Variants in GNG2 observed in about 807,000 individuals in gnomAD.
The protein encoded by GNG2 is G protein subunit gamma 2.
A neutral mutation model predicts 5.5 loss-of-function variants in GNG2; 5 were observed. The ratio of observed to expected loss-of-function variants is 0.91; its 90% confidence interval spans 0.48 to 1.92. GNG2 has a LOEUF of 1.92. Ranked by LOEUF, GNG2 falls within the 30% of genes most tolerant of loss-of-function variation. The probability of loss-of-function intolerance (pLI) is 0.01; values close to 1 mark genes in which losing one functional copy is unlikely to be tolerated. For missense variants in GNG2, 55 were observed against 88.4 expected (o/e 0.62, Z 1.52); for synonymous variants, 28 against 32.0 (o/e 0.88, Z 0.42).
Position 51,966,964 on chromosome 14 carries a change from C to A in GNG2, c.*277C>A, listed in dbSNP as rs371490623. The A allele has an allele frequency of 9.7e-5, 16 of 164,750 alleles. 1 individual carries two copies. In the East Asian group the frequency reaches 2.0e-3, roughly 20 times the overall value. The allele number at this position is 164,750 out of a possible 1,614,324, so 10.2% of individuals were successfully genotyped here. A position where few individuals can be genotyped will look rare whatever the true frequency, so the allele number is the denominator to read the frequency against. On this transcript the variant is annotated 3_prime_UTR_variant, in exon 4 of 4. Transcript: ENST00000556766. ...CACTTCTTTTCTGCTATCCCCCAGC[C>A]CCCCCCCCAAAATCCTCATGTTTCT...
chr14:51,889,784 C>G (rs1884724994), intron 2 of GNG2, among the ~76,000 whole-genome samples: 1 of 152,154 alleles, frequency 6.6e-6, no homozygotes, highest in Admixed American at 6.5e-5. Context: ...CAAGGTAGTT[C>G]AGTGCCGTAC....
intron 2 of GNG2, among the ~76,000 whole-genome samples, chr14:51,844,732 A>G (rs531175226): frequency 1.3e-5 from 2 of 151,884 alleles, no homozygotes; most frequent in South Asian, 2.1e-4. Flanking sequence ...TCCTGCCACA[A>G]TTTCTTTTTT....
chr14:51,854,861 C>T (rs1430471595), intron 2 of GNG2, among the ~76,000 whole-genome samples: 1 of 152,092 alleles, frequency 6.6e-6, no homozygotes, highest in African/African-American at 2.4e-5. Context: ...TGCCTCCCTC[C>T]CGTCTTTTGC....
At chr14:51,827,447 C>A (rs1157873786) in intron 1 of GNG2, among the ~76,000 whole-genome samples, 2 of 152,144 alleles carry the variant, frequency 1.3e-5, no homozygotes, top group African/African-American at 4.8e-5. Flanking sequence ...GATCCTGATA[C>A]CTGCTAAAGT....
At chr14:51,840,730 A>C (rs1286924612) in intron 2 of GNG2, among the ~76,000 whole-genome samples, 1 of 152,234 alleles carries the variant, frequency 6.6e-6, no homozygotes, top group African/African-American at 2.4e-5. Flanking sequence ...CAACCAGGAC[A>C]GTAGCCAGAC....
At chr14:51,867,610 GC>G in intron 1 of GNG2, among the ~76,000 whole-genome samples, 1 of 152,242 alleles carries the variant, frequency 6.6e-6, no homozygotes, top group African/African-American at 2.4e-5. Flanking sequence ...CTTAGTTGAG[GC>G]CCTCCTAACC....
chr14:51,889,109 C>CCTT lies in GNG2; in HGVS notation c.-30+11452_-30+11453insCTT, dbSNP rs1445313036. 2.3e-4 allele frequency among the ~76,000 whole-genome samples: 27 copies of CCTT among 118,936 alleles called. 7 individuals are homozygous for CCTT. The highest frequency in any genetic ancestry group is 4.4e-4 in the Admixed American group (5 of 11,236). 78.0% of individuals were successfully genotyped at this position (118,936 alleles called of 152,430 possible). On this transcript the variant is annotated intron_variant, in intron 2 of 3. Coordinates refer to ENST00000556766, the MANE Select transcript of GNG2 (RefSeq NM_053064.5). Reference sequence around the variant, plus strand: ...GACTGCTAATGGGTATGGGTTTGCGCTTTTTTTTTTTTTTTTTTTTTGAGA... The same window carrying CCTT: ...GACTGCTAATGGGTATGGGTTTGCGCCTTTTTTTTTTTTTTTTTTTTTTTGAGA...
At chr14:51,868,244 G>A (rs899445681) in intron 1 of GNG2, among the ~76,000 whole-genome samples, 1 of 152,076 alleles carries the variant, frequency 6.6e-6, no homozygotes, top group Non-Finnish European at 1.5e-5. Flanking sequence ...ACTTACATTC[G>A]AGTATTGAGA....
chr14:51,904,593 A>T (rs949980538), intron 2 of GNG2, among the ~76,000 whole-genome samples: 2 of 152,132 alleles, frequency 1.3e-5, no homozygotes, highest in Non-Finnish European at 2.9e-5. Flanking sequence ...GACTGATGTA[A>T]CTGCTCTGTA....
At chr14:51,882,885 C>G (rs929495301) in intron 2 of GNG2, among the ~76,000 whole-genome samples, 11 of 151,864 alleles carry the variant, frequency 7.2e-5, no homozygotes, top group Non-Finnish European at 1.2e-4. Flanking sequence ...TGGCACATGC[C>G]TGTAGTCCCA....
At chr14:51,853,259 C>A (rs891431434) in intron 2 of GNG2, among the ~76,000 whole-genome samples, 8 of 152,116 alleles carry the variant, frequency 5.3e-5, no homozygotes, top group African/African-American at 1.9e-4. Flanking sequence ...GAGGTGGGTG[C>A]TGAAGATGAA....
Position 51,968,977 on chromosome 14 carries a change from A to G in GNG2, c.*2290A>G, listed in dbSNP as rs1890075896. On this transcript the variant is annotated 3_prime_UTR_variant, in exon 4 of 4. Coordinates refer to ENST00000556766, the MANE Select transcript of GNG2 (RefSeq NM_053064.5). Reference sequence around the variant, plus strand: ...AATGTTTTGGCTTTTTCATAATTTTATGTCTTACAGTATGGAATTATAATA... The same window carrying G: ...AATGTTTTGGCTTTTTCATAATTTTGTGTCTTACAGTATGGAATTATAATA... 6.6e-6 allele frequency: 1 copy of G among 152,154 alleles called. No individual in the cohort carries two copies. Among genetic ancestry groups the G allele is most frequent in the Non-Finnish European group, 1.5e-5 (1 of 68,012 alleles). 9.4% of individuals were successfully genotyped at this position (152,154 alleles called of 1,614,324 possible).
chr14:51,874,282 G>A (rs1007976633), intron 1 of GNG2, among the ~76,000 whole-genome samples: 5 of 151,956 alleles, frequency 3.3e-5, no homozygotes, highest in South Asian at 2.1e-4. Flanking sequence ...AAAATTAGCC[G>A]GGCGTGGTGG....
At chr14:51,903,775 T>G (rs746316245) in intron 2 of GNG2, among the ~76,000 whole-genome samples, 7 of 152,180 alleles carry the variant, frequency 4.6e-5, no homozygotes, top group Non-Finnish European at 1.0e-4. Context: ...CTTGTGTCCC[T>G]GCAAGGTCAG....
intron 3 of GNG2, 62 bp downstream of exon 3, chr14:51,950,827 A>G: frequency 1.1e-6 from 1 of 946,426 alleles, no homozygotes; most frequent in Non-Finnish European, 1.6e-6. Flanking sequence ...TCATGTGACC[A>G]CTCTTTCCTA....
chr14:51,841,573 G>A (rs751302091), intron 2 of GNG2: 8 of 701,576 alleles, frequency 1.1e-5, no homozygotes, highest in South Asian at 1.0e-4. Flanking sequence ...TTGAACCCAG[G>A]TAATCTGGCT....
rs1594845467 is a variant in GNG2 at position 51,860,683 on chromosome 14, A to G, written c.-178A>G. 1 of 152,692 alleles carries G rather than the reference A, an allele frequency of 6.5e-6. No individual in the cohort carries two copies. The highest frequency in any genetic ancestry group is 2.1e-4 in the South Asian group (1 of 4,818). 9.5% of individuals were successfully genotyped at this position (152,692 alleles called of 1,614,324 possible). On this transcript the variant is annotated 5_prime_UTR_variant, in exon 1 of 4. Transcript: ENST00000556766. ...CCGCGCTCCGTGGGCAACTCCTACTACTGCTGGGCTGGGCTGGGCTGGGCT... is the reference window on the plus strand; with the variant it reads ...CCGCGCTCCGTGGGCAACTCCTACTGCTGCTGGGCTGGGCTGGGCTGGGCT...
At chr14:51,873,475 A>G (rs1883440409) in intron 1 of GNG2, among the ~76,000 whole-genome samples, 1 of 152,232 alleles carries the variant, frequency 6.6e-6, no homozygotes, top group African/African-American at 2.4e-5. Context: ...GGGGTTTCTC[A>G]AGAATGCACT....
intron 2 of GNG2, among the ~76,000 whole-genome samples, chr14:51,905,939 G>A (rs939544431): frequency 6.6e-6 from 1 of 152,180 alleles, no homozygotes. Flanking sequence ...CTCCCCAGCC[G>A]TGCAGAACTG....
Sources: gnomAD v4.1 joint callset for allele counts (sites outside exome capture counted in the v4.1 genomes callset) on GRCh38, gnomAD v4.1.1 for gene constraint, MANE v1.5 for transcripts, NCBI Gene and HGNC (gene_info 2026-07-23, HGNC 2026-07-21) for gene names.